DZANK1: variants seen among roughly 807,000 people sequenced by gnomAD.
The protein encoded by DZANK1 is double zinc ribbon and ankyrin repeat-containing protein 1.
In DZANK1, 91 loss-of-function variants were observed where a neutral mutation model predicts 94.5. The ratio of observed to expected loss-of-function variants is 0.96; its 90% CI spans 0.81 to 1.15. The LOEUF is 1.15. Among genes scored for constraint, DZANK1 ranks in the 50% most tolerant of loss-of-function variants. DZANK1 has a pLI of 0.00. For missense variants in DZANK1, 903 were observed against 916.4 expected, an observed-to-expected ratio of 0.99 and a Z score of 0.19; for synonymous variants, 312 against 325.3, an observed-to-expected ratio of 0.96 and a Z score of 0.44.
chr20:18,414,967 G>A (rs930601282), intron 11 of DZANK1, among the ~76,000 whole-genome samples: 3 of 152,198 alleles, frequency 2.0e-5, no homozygotes, highest in Non-Finnish European at 4.4e-5. Context: ...CTTAGAGAGA[G>A]AGGAGACTAA....
chr20:18,404,532 T>C lies in DZANK1; in HGVS notation c.1433-5906A>G, dbSNP rs75642130. Reference sequence around the variant, plus strand: ...AAATAACAATAACAAGCCTGGAAGATAGGTCAGTACCCAGAGTTGATACAA... The same window carrying C: ...AAATAACAATAACAAGCCTGGAAGACAGGTCAGTACCCAGAGTTGATACAA... On this transcript the variant is annotated intron_variant, in intron 13 of 20. Coordinates refer to ENST00000262547, the Ensembl canonical transcript of DZANK1. 5.1e-4 allele frequency among the ~76,000 whole-genome samples: 77 copies of C among 152,266 alleles called. No homozygotes were observed. The East Asian group carries it at 0.014, about 28-fold the overall frequency.
rs2058816539 is a variant in DZANK1 at position 18,444,662 on chromosome 20, C to T, written c.630-1198G>A. Reference sequence around the variant, plus strand: ...CCAAAGTGGAAAAAATTCATATTTACCGAGGTATCAGTTAGAATACTCTAT... The same window carrying T: ...CCAAAGTGGAAAAAATTCATATTTATCGAGGTATCAGTTAGAATACTCTAT... On this transcript the variant is annotated intron_variant, in intron 7 of 20. Transcript: ENST00000262547. Among the ~76,000 whole-genome samples, 2 of 152,166 alleles carry T rather than the reference C, an allele frequency of 1.3e-5. 1 individual carries two copies. Among genetic ancestry groups the T allele is most frequent in the Non-Finnish European group, 2.9e-5 (2 of 68,038 alleles).
chr20:18,415,409 T>A, exon 11 of DZANK1: 2 of 1,591,152 alleles, frequency 1.3e-6, no homozygotes, highest in Non-Finnish European at 1.7e-6. Context: ...CCCCCCTTTC[T>A]GAGTGGGCGG....
intron 16 of DZANK1, 26 bp from the exon 17 acceptor site, chr20:18,393,837 A>T: frequency 1.4e-6 from 2 of 1,473,744 alleles, no homozygotes; most frequent in Non-Finnish European, 1.9e-6. Context: ...TGGGGAAAAA[A>T]ATGATGCCCC....
chr20:18,413,364 A>G (rs1041663081), intron 12 of DZANK1: 1 of 154,356 alleles, frequency 6.5e-6, no homozygotes, highest in Admixed American at 6.4e-5. Context: ...AAACCAGTAT[A>G]TTACAAGCAA....
At chr20:18,425,619 G>T (rs2058005770) in intron 10 of DZANK1, among the ~76,000 whole-genome samples, 1 of 151,996 alleles carries the variant, frequency 6.6e-6, no homozygotes. Flanking sequence ...CCCAGAAAAA[G>T]ATAAGTTGAA....
At chr20:18,453,744 A>G (rs771989415) in exon 5 of DZANK1, 3 of 1,610,640 alleles carry the variant, frequency 1.9e-6, no homozygotes, top group Admixed American at 3.3e-5. Flanking sequence ...GAAACTTTCT[A>G]AGGTTAACAT....
rs550601837 is a variant in DZANK1, at chr20:18,389,212, A to G, written c.2018+489T>C. Among the ~76,000 whole-genome samples, 6 of 152,300 alleles carry G rather than the reference A, an allele frequency of 3.9e-5. No homozygotes were observed. The South Asian group carries it at 1.2e-3, about 32-fold the overall frequency. On this transcript the variant is annotated intron_variant, in intron 19 of 20. Coordinates refer to ENST00000262547, the Ensembl canonical transcript of DZANK1. The stretch of plus-strand genomic sequence containing the variant: ...TTTCTGTTTTGTATCACGGGTGGGA[A>G]AGCAAGGCAGCAGGAGACCATGTGG...
At chr20:18,430,695 G>A (rs1429608880) in intron 9 of DZANK1, among the ~76,000 whole-genome samples, 2 of 152,166 alleles carry the variant, frequency 1.3e-5, no homozygotes, top group East Asian at 3.9e-4. Context: ...TATGCCTGTG[G>A]TCTCAGCTAC....
At position 18,411,890 on chromosome 20, in the gene DZANK1, G is replaced by A. The variant is rs544749264; in HGVS notation, c.1432+756C>T. 2.0e-5 allele frequency among the ~76,000 whole-genome samples: 3 copies of A among 152,244 alleles called. No individual in the cohort carries two copies. The South Asian group carries it at 6.2e-4, about 32-fold the overall frequency. ...CTCTCTGCTTCCAAAATGGTGCCTC[G>A]TTGCTGCATCCTCCAAAGGAGGGCA... On this transcript the variant is annotated intron_variant, in intron 13 of 20. Transcript: ENST00000262547.
chr20:18,422,331 G>C (rs1053287885), intron 10 of DZANK1, among the ~76,000 whole-genome samples: 3 of 152,090 alleles, frequency 2.0e-5, no homozygotes, highest in Non-Finnish European at 4.4e-5. Context: ...TGGCACTTTT[G>C]TTGAAAATCA....
chr20:18,435,842 T>A (rs895782056), intron 8 of DZANK1, among the ~76,000 whole-genome samples: 6 of 150,280 alleles, frequency 4.0e-5, no homozygotes, highest in Non-Finnish European at 5.9e-5. Context: ...AGAAAAAAAA[T>A]TTAAAAAAAA....
intron 13 of DZANK1, among the ~76,000 whole-genome samples, chr20:18,402,948 C>T (rs1196492203): frequency 6.6e-6 from 1 of 152,210 alleles, no homozygotes; most frequent in Non-Finnish European, 1.5e-5. Context: ...AACTCAGAAT[C>T]ATGAGAGTCT....
At chr20:18,466,511 A>G (rs2059659921) in intron 1 of DZANK1, among the ~76,000 whole-genome samples, 1 of 152,372 alleles carries the variant, frequency 6.6e-6, no homozygotes, top group Middle Eastern at 3.4e-3. Context: ...ACAGCACAAC[A>G]ATAGCTCCTA....
intron 18 of DZANK1, 77 bp from the exon 19 acceptor site, chr20:18,389,905 T>C (rs1399564299): frequency 1.1e-5 from 18 of 1,584,022 alleles, no homozygotes; most frequent in African/African-American, 6.7e-5. Context: ...CTATGAAGTA[T>C]AACAGATGTC....
At chr20:18,394,111 GA>G in intron 16 of DZANK1, 142 bp downstream of exon 16, 1 of 737,370 alleles carries the variant, frequency 1.4e-6, no homozygotes, top group Non-Finnish European at 2.2e-6. Context: ...TGACTTCAGA[GA>G]AGCCAGAGAA....
At chr20:18,400,882 T>G (rs1024350399) in intron 13 of DZANK1, among the ~76,000 whole-genome samples, 1 of 152,150 alleles carries the variant, frequency 6.6e-6, no homozygotes, top group Non-Finnish European at 1.5e-5. Context: ...TAAATACGTA[T>G]GTAGGAGTAT....
chr20:18,459,564 T>C (rs1050703762), intron 3 of DZANK1, among the ~76,000 whole-genome samples: 3 of 152,200 alleles, frequency 2.0e-5, no homozygotes, highest in African/African-American at 7.2e-5. Context: ...TTTGAGGTTT[T>C]TTTTTGTTTT....
chr20:18,436,248 A>C (rs1245130855), intron 8 of DZANK1, among the ~76,000 whole-genome samples: 1 of 152,190 alleles, frequency 6.6e-6, no homozygotes, highest in African/African-American at 2.4e-5. Flanking sequence ...TTTTTAAAAA[A>C]AGAATTCAGT....
Sources: allele counts gnomAD v4.1 joint callset (sites outside exome capture counted in the v4.1 genomes callset), GRCh38; gene constraint gnomAD v4.1.1; transcripts MANE v1.5; gene names NCBI Gene and HGNC (gene_info 2026-07-23, HGNC 2026-07-21).